The following RGPD1 variants were observed in gnomAD, a reference collection of about 807,000 sequenced individuals.
RGPD1 encodes the protein RANBP2-like and GRIP domain-containing protein 1.
A neutral mutation model predicts 40.6 loss-of-function variants in RGPD1; 7 were observed. The ratio of observed to expected loss-of-function variants is 0.17; its 90% confidence interval spans 0.10 to 0.32. The LOEUF (loss-of-function observed/expected upper bound fraction) is 0.32. Among genes scored for constraint, RGPD1 ranks in the 10% least tolerant of loss-of-function variants. The pLI is 1.00. For missense variants in RGPD1, 50 were observed against 472.5 expected, an observed-to-expected ratio of 0.11 and a Z score of 8.29; for synonymous variants, 24 against 167.0, an observed-to-expected ratio of 0.14 and a Z score of 6.60.
At chr2:86,941,420 C>T (rs1269371335), upstream of RGPD1, among the ~76,000 whole-genome samples, 1 of 149,924 alleles carries the variant, frequency 6.7e-6, no homozygotes, top group African/African-American at 2.5e-5. Context: ...AAGTGTCTCA[C>T]TCTGGTGCCC....
chr2:86,942,191 G>T lies in RGPD1; in HGVS notation c.-46G>T. The T allele has an allele frequency of 1.3e-6, 2 of 1,563,810 alleles. No homozygotes were observed. Among genetic ancestry groups the T allele is most frequent in the Non-Finnish European group, 8.7e-7 (1 of 1,155,766 alleles). On this transcript the variant is annotated 5_prime_UTR_variant, in exon 1 of 23. Coordinates refer to ENST00000641458, the MANE Select transcript of RGPD1 (RefSeq NM_001382344.1). Reference sequence around the variant, plus strand: ...TGTTGGAATTGGCGACTGCTGCGGGGCTGAGCGCTGGTTTCACGCGTCTCG... The same window carrying T: ...TGTTGGAATTGGCGACTGCTGCGGGTCTGAGCGCTGGTTTCACGCGTCTCG...
intron 1 of RGPD1, among the ~76,000 whole-genome samples, chr2:86,949,763 C>CTTTTTT (rs1240035878): frequency 5.5e-5 from 1 of 18,218 alleles, no homozygotes; most frequent in African/African-American, 2.2e-4. Flanking sequence ...GTTGTATCAG[C>CTTTTTT]TTTTTTTTTT....
intron 22 of RGPD1, among the ~76,000 whole-genome samples, chr2:86,998,665 GAA>G (rs1681889771): frequency 8.9e-5 from 1 of 11,196 alleles, no homozygotes; most frequent in Non-Finnish European, 1.3e-4. Flanking sequence ...ATAGTTAACT[GAA>G]TTCAAGCTGC....
upstream of RGPD1, among the ~76,000 whole-genome samples, chr2:86,941,939 T>C (rs1679797885): frequency 6.6e-6 from 1 of 151,758 alleles, no homozygotes; most frequent in African/African-American, 2.4e-5. Context: ...CTCCAACTCA[T>C]GACCTCAGGT....
chr2:86,941,561 T>C (rs188069130), upstream of RGPD1, among the ~76,000 whole-genome samples: 28,877 of 149,996 alleles, frequency 0.19, 5,152 homozygotes, highest in African/African-American at 0.47. Flanking sequence ...TGTTCCTATA[T>C]ACACAGTTGA....
chr2:86,925,156 A>C (rs1230673648), intron 1 of RGPD1, among the ~76,000 whole-genome samples: 2 of 152,202 alleles, frequency 1.3e-5, no homozygotes, highest in African/African-American at 2.4e-5. Context: ...AAGTTCTTAC[A>C]TGTTCTAGAC....
intron 1 of RGPD1, among the ~76,000 whole-genome samples, chr2:86,920,094 G>A (rs1192726837): frequency 6.6e-6 from 1 of 151,960 alleles, no homozygotes; most frequent in Non-Finnish European, 1.5e-5. Flanking sequence ...TTTTAAGACG[G>A]GGTTTTGCTC....
At chr2:86,915,034 A>T (rs1345033305) in intron 1 of RGPD1, among the ~76,000 whole-genome samples, 3 of 149,560 alleles carry the variant, frequency 2.0e-5, no homozygotes, top group African/African-American at 2.5e-5. Flanking sequence ...GGTGGCTCAC[A>T]CCTGTAATCC....
At chr2:86,928,955 C>CTTTTTTT (rs1678703410) in intron 1 of RGPD1, among the ~76,000 whole-genome samples, 1 of 149,452 alleles carries the variant, frequency 6.7e-6, no homozygotes, top group Non-Finnish European at 1.5e-5. Context: ...AAATAGGTCA[C>CTTTTTTT]AGGATGTACA....
upstream of RGPD1, among the ~76,000 whole-genome samples, chr2:86,940,992 A>G (rs1679699476): frequency 6.6e-6 from 1 of 151,896 alleles, no homozygotes; most frequent in African/African-American, 2.4e-5. Flanking sequence ...ATAAAACAAA[A>G]TGCTGTTTTT....
intron 1 of RGPD1, among the ~76,000 whole-genome samples, chr2:86,931,905 A>G (rs1252098918): frequency 1.3e-5 from 2 of 148,506 alleles, no homozygotes; most frequent in Non-Finnish European, 3.0e-5. Context: ...AGACATATAG[A>G]CAGAGAAGAT....
intron 4 of RGPD1, among the ~76,000 whole-genome samples, chr2:86,955,790 C>T (rs1378364829): frequency 9.0e-6 from 1 of 111,608 alleles, no homozygotes; most frequent in Non-Finnish European, 1.8e-5. Flanking sequence ...TAGTCTAAAA[C>T]ATGAGGTCTA....
rs758813801 is a variant in RGPD1 at position 87,000,203 on chromosome 2, G to GTTAT, written c.5236+2446_5236+2449dup. On this transcript the variant is annotated intron_variant, in intron 22 of 22. Coordinates refer to ENST00000641458, the MANE Select transcript of RGPD1 (RefSeq NM_001382344.1). ...TCTCAAAATTATAACTAATTTTATA[G>GTTAT]TTATAAAATTAACCAGGACTTTAAG... Among the ~76,000 whole-genome samples the GTTAT allele has an allele frequency of 4.2e-4, 55 of 132,392 alleles. 1 individual carries two copies. Among genetic ancestry groups the GTTAT allele is most frequent in the Non-Finnish European group, 7.4e-4 (49 of 65,788 alleles). The allele number at this position is 132,392 out of a possible 152,430, so 86.9% of individuals were successfully genotyped here. A position where few individuals can be genotyped will look rare whatever the true frequency, so the allele number is the denominator to read the frequency against.
chr2:86,956,958 TG>T (rs1334490559), intron 4 of RGPD1, among the ~76,000 whole-genome samples: 9 of 142,004 alleles, frequency 6.3e-5, no homozygotes, highest in Non-Finnish European at 1.2e-4. Flanking sequence ...CCTGTGTCAG[TG>T]GCAAGTGGAT....
chr2:86,942,811 G>T (rs1429413603), intron 1 of RGPD1, among the ~76,000 whole-genome samples: 1 of 151,892 alleles, frequency 6.6e-6, no homozygotes, highest in African/African-American at 2.4e-5. Flanking sequence ...CCTGTGGGCG[G>T]CGTGGCGCTT....
chr2:86,944,091 A>C (rs984142342), intron 1 of RGPD1, among the ~76,000 whole-genome samples: 1 of 152,182 alleles, frequency 6.6e-6, no homozygotes, highest in Non-Finnish European at 1.5e-5. Context: ...GTCTCTTATC[A>C]TAACTAAGCA....
intron 1 of RGPD1, among the ~76,000 whole-genome samples, chr2:86,918,249 A>C (rs753456288): frequency 0.043 from 6,387 of 150,072 alleles, 122 homozygotes; most frequent in Non-Finnish European, 0.065. Context: ...CCCCAGTAAC[A>C]TCCTTACAGG....
chr2:86,913,881 A>C (rs1327268557), exon 1 of RGPD1: 5 of 1,577,836 alleles, frequency 3.2e-6, no homozygotes, highest in Non-Finnish European at 4.3e-6. Context: ...GGGGAGCGGT[A>C]CCTCGCCTCG....
At chr2:86,942,796 G>A (rs963489651) in intron 1 of RGPD1, among the ~76,000 whole-genome samples, 6 of 151,802 alleles carry the variant, frequency 4.0e-5, no homozygotes, top group Admixed American at 6.6e-5. Context: ...GCCGGCTGGC[G>A]CAGTCCTGTG....
Sources: gnomAD v4.1 joint callset for allele counts (sites outside exome capture counted in the v4.1 genomes callset) on GRCh38, gnomAD v4.1.1 for gene constraint, MANE v1.5 for transcripts, NCBI Gene and HGNC (gene_info 2026-07-23, HGNC 2026-07-21) for gene names.